Variants in VPS45 observed in about 807,000 individuals in gnomAD.
The protein encoded by VPS45 is vacuolar protein sorting-associated protein 45.
In VPS45, 35 loss-of-function variants were observed where a neutral mutation model predicts 75.9. The observed-to-expected ratio is 0.46, with a 90% CI of 0.35 to 0.61. The LOEUF (loss-of-function observed/expected upper bound fraction) is 0.61, where lower values mean the gene tolerates loss of function less well. VPS45 is among the 20% of genes least tolerant of loss of function. The pLI is 0.00. For missense variants in VPS45, 559 were observed against 685.9 expected (o/e 0.81, Z 2.07); for synonymous variants, 220 against 238.2 (o/e 0.92, Z 0.70).
At chr1:150,081,513 G>A (rs782198600) in intron 8 of VPS45, 37 bp downstream of exon 8, 2 of 1,579,336 alleles carry the variant, frequency 1.3e-6, no homozygotes, top group Admixed American at 2.0e-5. Context: ...GTCTTTAGTT[G>A]TTTTTATGTA....
Position 150,110,613 on chromosome 1 carries a change from G to C in VPS45, c.1611G>C (p.Val537=). The part of the protein sequence containing the change: ...GVRIVLGGTT[V]HNTKSFLEEV... The stretch of plus-strand genomic sequence containing the variant: ...GGATTGTCCTGGGAGGCACCACAGT[G>C]CACAACACGAAAAGGTAAAAGAGAA... The change falls in exon 14 of 15, where the codon GTG becomes GTC. Residue 537 remains valine, a synonymous_variant. Transcript: ENST00000644510. The C allele has an allele frequency of 6.2e-7, 1 of 1,610,242 alleles. No individual in the cohort carries two copies. Among genetic ancestry groups the C allele is most frequent in the Non-Finnish European group, 8.5e-7 (1 of 1,177,954 alleles).
intron 14 of VPS45, among the ~76,000 whole-genome samples, chr1:150,144,269 GTAACTC>G (rs1553816066): frequency 2.6e-5 from 4 of 152,058 alleles, no homozygotes; most frequent in African/African-American, 9.7e-5. Context: ...TTTTAGAAAA[GTAACTC>G]TGGTGCCACT....
chr1:150,095,427 A>G (rs1295371231), intron 13 of VPS45, among the ~76,000 whole-genome samples: 1 of 152,204 alleles, frequency 6.6e-6, no homozygotes, highest in East Asian at 1.9e-4. Flanking sequence ...AGGCTGGCCA[A>G]CATGGCAAAA....
chr1:150,094,972 C>T (rs949275508), intron 13 of VPS45, among the ~76,000 whole-genome samples: 1 of 152,182 alleles, frequency 6.6e-6, no homozygotes, highest in Non-Finnish European at 1.5e-5. Flanking sequence ...CAGTTGTCAA[C>T]ATCTGTTACC....
At chr1:150,110,262 A>G (rs1453053953) in intron 13 of VPS45, 2 of 409,194 alleles carry the variant, frequency 4.9e-6, no homozygotes, top group African/African-American at 4.0e-5. Flanking sequence ...CACAGCACAG[A>G]AATTATAAGA....
At chr1:150,107,861 A>G (rs1400281139) in intron 13 of VPS45, among the ~76,000 whole-genome samples, 3 of 152,198 alleles carry the variant, frequency 2.0e-5, no homozygotes, top group African/African-American at 7.2e-5. Flanking sequence ...ACATTGCACC[A>G]CTGCACTCCA....
chr1:150,105,984 C>T (rs782256427), intron 13 of VPS45, among the ~76,000 whole-genome samples: 3 of 152,080 alleles, frequency 2.0e-5, no homozygotes, highest in East Asian at 1.9e-4. Flanking sequence ...TCAATAAAGT[C>T]GATAAAAATA....
rs1348380601 is a variant in VPS45 at position 150,088,434 on chromosome 1, A to T, written c.1105-3503A>T. Reference sequence around the variant, plus strand: ...TGTTCTATTTCATGGCTGAATAATAAATATATATATATATATATATATGCT... The same window carrying T: ...TGTTCTATTTCATGGCTGAATAATATATATATATATATATATATATATGCT... On this transcript the variant is annotated intron_variant, in intron 10 of 14. Transcript: ENST00000644510. 4.6e-3 allele frequency among the ~76,000 whole-genome samples: 583 copies of T among 125,532 alleles called. 8 individuals carry two copies. Among genetic ancestry groups the T allele is most frequent in the African/African-American group, 0.018 (553 of 30,812 alleles). The allele number at this position is 125,532 out of a possible 152,430, so 82.4% of individuals were successfully genotyped here. A position where few individuals can be genotyped will look rare whatever the true frequency, so the allele number is the denominator to read the frequency against.
intron 14 of VPS45, among the ~76,000 whole-genome samples, chr1:150,137,254 G>A (rs587647061): frequency 6.6e-6 from 1 of 152,298 alleles, no homozygotes; most frequent in African/African-American, 2.4e-5. Flanking sequence ...TAAAACTGCT[G>A]TTGGATATTT....
intron 10 of VPS45, 41 bp from the exon 11 acceptor site, chr1:150,091,896 C>G: frequency 6.3e-7 from 1 of 1,589,778 alleles, no homozygotes; most frequent in South Asian, 1.1e-5. Flanking sequence ...ACAGATGACT[C>G]AAGTGAAAGG....
intron 10 of VPS45, 44 bp from the exon 11 acceptor site, chr1:150,091,893 A>G (rs373804704): frequency 3.2e-5 from 51 of 1,580,586 alleles, no homozygotes; most frequent in Non-Finnish European, 3.7e-5. Context: ...ACAACAGATG[A>G]CTCAAGTGAA....
chr1:150,126,084 G>A (rs1373767442), intron 14 of VPS45, among the ~76,000 whole-genome samples: 2 of 152,008 alleles, frequency 1.3e-5, no homozygotes, highest in East Asian at 1.9e-4. Context: ...TAAGATAAAC[G>A]TATAGTGAGG....
intron 14 of VPS45, among the ~76,000 whole-genome samples, chr1:150,123,482 G>A (rs1414733980): frequency 6.6e-6 from 1 of 152,164 alleles, no homozygotes; most frequent in African/African-American, 2.4e-5. Flanking sequence ...ATTTCTAGAT[G>A]TAGTTAAATA....
chr1:150,076,923 A>G lies in VPS45; in HGVS notation c.377A>G (p.Tyr126Cys). 6.2e-7 allele frequency: 1 copy of G among 1,614,036 alleles called. No homozygotes were observed. Among genetic ancestry groups the G allele is most frequent in the Non-Finnish European group, 8.5e-7 (1 of 1,179,978 alleles). ...TTGGTGCTTTATTTGCAGGAATTTT[A>G]TGGTGATTACATTGCTGTGAACCCA... Reference protein sequence around the residue: ...QEVVAEVQEFYGDYIAVNPHL... With the variant: ...QEVVAEVQEFCGDYIAVNPHL... The change falls in exon 5 of 15, where the codon TAT (tyrosine) becomes TGT (cysteine). Residue 126 changes from tyrosine (Y) to cysteine (C), a missense_variant. Physicochemically the swap from Tyr to Cys is radical, Grantham distance 194. Transcript: ENST00000644510.
intron 14 of VPS45, among the ~76,000 whole-genome samples, chr1:150,129,153 G>A (rs1658678707): frequency 6.6e-6 from 1 of 152,158 alleles, no homozygotes; most frequent in Non-Finnish European, 1.5e-5. Context: ...GTAATGTTCT[G>A]TGCACGGTGC....
At chr1:150,076,697 CTTTA>C (rs1655404654) in intron 4 of VPS45, 3 of 597,076 alleles carry the variant, frequency 5.0e-6, no homozygotes, top group Non-Finnish European at 8.8e-6. Flanking sequence ...ACCTTACAAC[CTTTA>C]TTTGTTAGAT....
intron 14 of VPS45, among the ~76,000 whole-genome samples, chr1:150,133,832 C>T (rs781958654): frequency 2.0e-5 from 3 of 152,144 alleles, no homozygotes; most frequent in Non-Finnish European, 4.4e-5. Context: ...ACCCTGTGGA[C>T]GATGAGGGTA....
intron 2 of VPS45, among the ~76,000 whole-genome samples, chr1:150,071,787 C>CAA (rs58767428): frequency 0.96 from 128,888 of 134,620 alleles, 61,778 homozygotes; most frequent in East Asian, 0.99. Context: ...GACTTAATCT[C>CAA]AAAAAAAAAA....
chr1:150,113,551 T>TC (rs1657762583), intron 14 of VPS45, among the ~76,000 whole-genome samples: 1 of 152,194 alleles, frequency 6.6e-6, no homozygotes, highest in Non-Finnish European at 1.5e-5. Context: ...TATTATGACT[T>TC]CTGTCACCGT....
Sources: allele counts gnomAD v4.1 joint callset (sites outside exome capture counted in the v4.1 genomes callset), GRCh38; gene constraint gnomAD v4.1.1; transcripts MANE v1.5; gene names NCBI Gene and HGNC (gene_info 2026-07-23, HGNC 2026-07-21).